Variants in EML2 observed in about 807,000 individuals in gnomAD.
EML2 encodes the protein echinoderm microtubule-associated protein-like 2.
Under a neutral mutation model 84.7 loss-of-function variants are expected in EML2, and 59 were observed. The observed-to-expected ratio is 0.70, with a 90% CI of 0.56 to 0.86. The LOEUF (loss-of-function observed/expected upper bound fraction) is 0.86, where lower values mean the gene tolerates loss of function less well. Ranked by LOEUF, EML2 falls within the 40% of genes least tolerant of loss-of-function variation. EML2 has a pLI of 0.00. For missense variants in EML2, 818 were observed against 855.6 expected, an observed-to-expected ratio of 0.96 and a Z score of 0.55; for synonymous variants, 352 against 348.9, an observed-to-expected ratio of 1.01 and a Z score of -0.10.
At chr19:45,630,129 A>G in intron 6 of EML2, 83 bp from the exon 7 acceptor site, 1 of 989,908 alleles carries the variant, frequency 1.0e-6, no homozygotes. Context: ...GGCATTCACC[A>G]CACAGGCCTG....
Position 45,609,756 on chromosome 19 carries a change from G to T in EML2, c.1857C>A (p.Ser619Arg). ...ACAAGAAGGCCACATTTGTCACATG[G>T]CTGCTGTGTCCACCGTACTTGTGGC... ...ALSHKYGGHS[S>R]HVTNVAFLWD... Residue 619 changes from serine to arginine, a missense_variant, in exon 19 of 19, where the codon AGC (serine) becomes AGA (arginine). Transcript: ENST00000245925. The T allele has an allele frequency of 6.2e-7, 1 of 1,613,012 alleles. No homozygotes were observed. The highest frequency in any genetic ancestry group is 8.5e-7 in the Non-Finnish European group (1 of 1,179,594).
At chr19:45,642,884 G>A (rs1974692126), upstream of EML2, 1 of 151,754 alleles carries the variant, frequency 6.6e-6, no homozygotes. Flanking sequence ...CTACTCCGGA[G>A]GCTGAGACGG....
At chr19:45,633,510 G>C (rs1188449159) in intron 4 of EML2, among the ~76,000 whole-genome samples, 1 of 151,608 alleles carries the variant, frequency 6.6e-6, no homozygotes, top group Non-Finnish European at 1.5e-5. Flanking sequence ...AGGCCGAGGC[G>C]GGCGGATCAC....
In EML2 at chr19:45,637,466, T is replaced by C. The variant is rs1030526992; in HGVS notation, c.179+1039A>G. ...GATAGTAAGTGCTTGAGTTATTATT[T>C]TGGATTTTTTTTTTTTTTTTTTTTT... On this transcript the variant is annotated intron_variant, in intron 3 of 18. Transcript: ENST00000245925. 4.7e-5 allele frequency among the ~76,000 whole-genome samples: 7 copies of C among 148,570 alleles called. 1 individual carries two copies. Among genetic ancestry groups the C allele is most frequent in the Admixed American group, 7.0e-5 (1 of 14,276 alleles).
intron 15 of EML2, 171 bp from the exon 16 acceptor site, chr19:45,616,060 T>C (rs915121514): frequency 3.5e-5 from 22 of 625,094 alleles, no homozygotes; most frequent in South Asian, 1.3e-4. Flanking sequence ...GCCAGAATAC[T>C]GTGGGCGGGG....
At chr19:45,612,888 C>CTTT (rs35806359) in intron 18 of EML2, among the ~76,000 whole-genome samples, 1 of 149,190 alleles carries the variant, frequency 6.7e-6, no homozygotes, top group African/African-American at 2.5e-5. Flanking sequence ...TAACGTCCAG[C>CTTT]TTTTTTTTTT....
chr19:45,632,192 CTTT>C (rs59501832), intron 6 of EML2, among the ~76,000 whole-genome samples: 2 of 132,716 alleles, frequency 1.5e-5, no homozygotes, highest in Non-Finnish European at 1.6e-5. Flanking sequence ...TGCACCTGGC[CTTT>C]TTTTTTTTTT....
chr19:45,644,859 C>G (rs948978001), upstream of EML2: 17 of 451,422 alleles, frequency 3.8e-5, no homozygotes, highest in African/African-American at 3.4e-4. Flanking sequence ...CAGTCCCACA[C>G]TCTGCCCTCA....
At chr19:45,639,755 A>C (rs918829425), upstream of EML2, among the ~76,000 whole-genome samples, 1 of 152,160 alleles carries the variant, frequency 6.6e-6, no homozygotes, top group Non-Finnish European at 1.5e-5. Context: ...GCACTTTGGG[A>C]GGCCGAGGCG....
intron 6 of EML2, among the ~76,000 whole-genome samples, chr19:45,630,825 T>G (rs1972943177): frequency 6.6e-6 from 1 of 152,158 alleles, no homozygotes; most frequent in Non-Finnish European, 1.5e-5. Flanking sequence ...TTAACAAAGT[T>G]GGTATTATGT....
chr19:45,638,863 C>G lies in EML2; in HGVS notation c.31G>C (p.Glu11Gln), dbSNP rs765066711. The part of the protein sequence containing the change: MSSFGAGKTK[E>Q]VIFSVEDGSV... Reference sequence around the variant, plus strand: ...CACTCACCCACACTGAAGATAACTTCTTTGGTTTTGCTGTCAGGAAAGGAC... The same window carrying G: ...CACTCACCCACACTGAAGATAACTTGTTTGGTTTTGCTGTCAGGAAAGGAC... The change falls in exon 2 of 19, where the codon GAA (glutamate) becomes CAA (glutamine). Residue 11 changes from glutamate (E) to glutamine (Q), a missense_variant. Physicochemically the swap from Glu to Gln is conservative, Grantham distance 29 (BLOSUM62 2). Coordinates refer to ENST00000245925, the MANE Select transcript of EML2 (RefSeq NM_012155.4). 6.2e-7 allele frequency: 1 copy of G among 1,613,486 alleles called. No homozygotes were observed. The highest frequency in any genetic ancestry group is 1.1e-5 in the South Asian group (1 of 91,042).
rs184498027 is a variant in EML2, at chr19:45,626,669, C to T, written c.741+36G>A. 81 of 1,585,928 alleles carry T rather than the reference C, an allele frequency of 5.1e-5. No individual in the cohort carries two copies. The East Asian group carries it at 1.2e-3, about 24-fold the overall frequency. On this transcript the variant is annotated intron_variant, in intron 8 of 18. Coordinates refer to ENST00000245925, the MANE Select transcript of EML2 (RefSeq NM_012155.4). The stretch of plus-strand genomic sequence containing the variant: ...CCTGCCTGTCCCTAACTACCTCTCT[C>T]AGGGCCAGCCTGTCCCCCAAACCCC...
At chr19:45,618,833 G>A (rs534282273) in intron 12 of EML2, 6 of 299,508 alleles carry the variant, frequency 2.0e-5, no homozygotes, top group African/African-American at 1.3e-4. Flanking sequence ...TGTAATCCCA[G>A]CTACTCGGGA....
upstream of EML2, chr19:45,642,526 GA>G: frequency 1.4e-6 from 2 of 1,415,152 alleles, no homozygotes; most frequent in Non-Finnish European, 1.8e-6. Context: ...AAGGGGGAAG[GA>G]AATCCCCACA....
chr19:45,636,756 G>T (rs902347447), intron 3 of EML2, among the ~76,000 whole-genome samples: 6 of 152,202 alleles, frequency 3.9e-5, no homozygotes, highest in African/African-American at 1.4e-4. Flanking sequence ...AGACCAGCCT[G>T]GCCAACATGG....
At chr19:45,616,108 A>G in intron 15 of EML2, 1 of 584,438 alleles carries the variant, frequency 1.7e-6, no homozygotes, top group East Asian at 2.8e-5. Context: ...AAAAGCACTT[A>G]GAACACAATG....
chr19:45,617,768 C>A (rs2122637026), intron 12 of EML2, 71 bp from the exon 13 acceptor site: 1 of 1,414,750 alleles, frequency 7.1e-7, no homozygotes, highest in East Asian at 2.3e-5. Context: ...TCTCTTGCCT[C>A]AGGGCCAAGT....
chr19:45,645,369 C>A (rs891514074), upstream of EML2: 5 of 1,524,882 alleles, frequency 3.3e-6, no homozygotes, highest in Non-Finnish European at 4.4e-6. Context: ...CCGGCCCCCC[C>A]GGTCCCAGCC....
At chr19:45,621,679 C>T in intron 9 of EML2, 42 bp from the exon 10 acceptor site, 1 of 1,585,384 alleles carries the variant, frequency 6.3e-7, no homozygotes, top group Non-Finnish European at 8.6e-7. Flanking sequence ...GAGAAGCCAC[C>T]CCTATGCTGA....
Sources: allele counts gnomAD v4.1 joint callset (sites outside exome capture counted in the v4.1 genomes callset), GRCh38; gene constraint gnomAD v4.1.1; transcripts MANE v1.5; gene names NCBI Gene and HGNC (gene_info 2026-07-23, HGNC 2026-07-21).